GPHN: variants seen among roughly 807,000 people sequenced by gnomAD.
GPHN encodes gephyrin.
In GPHN, 17 loss-of-function variants were observed where a neutral mutation model predicts 95.5. That is an observed-to-expected ratio of 0.18 (90% CI 0.12 to 0.27). GPHN has a LOEUF of 0.27. Among genes scored for constraint, GPHN ranks in the 10% least tolerant of loss-of-function variants. GPHN has a pLI of 1.00. For missense variants in GPHN, 660 were observed against 978.1 expected, an observed-to-expected ratio of 0.67 and a Z score of 4.34; for synonymous variants, 320 against 322.5, an observed-to-expected ratio of 0.99 and a Z score of 0.08.
At chr14:67,409,743 C>A in the GPHN span, among the ~76,000 whole-genome samples, 1 of 152,200 alleles carries the variant, frequency 6.6e-6, no homozygotes, top group Non-Finnish European at 1.5e-5. Context: ...GACTGCTCTG[C>A]ACTCCGGCTT....
intron 11 of GPHN, among the ~76,000 whole-genome samples, chr14:67,070,557 G>A (rs1330190545): frequency 6.7e-6 from 1 of 149,462 alleles, no homozygotes; most frequent in African/African-American, 2.5e-5. Context: ...TTAGCTGGGT[G>A]TGGTGGTGCA....
At chr14:67,293,981 CAACTT>C in the GPHN span, among the ~76,000 whole-genome samples, 7 of 152,058 alleles carry the variant, frequency 4.6e-5, no homozygotes, top group Non-Finnish European at 1.0e-4. Context: ...AGAAAAGAAA[CAACTT>C]AGCTTAAAGG....
At chr14:66,750,193 T>G (rs1404137845) in intron 2 of GPHN, among the ~76,000 whole-genome samples, 1 of 151,934 alleles carries the variant, frequency 6.6e-6, no homozygotes, top group Non-Finnish European at 1.5e-5. Flanking sequence ...TCTTCTATTC[T>G]AGGAGTTTTA....
chr14:67,473,127 A>C, the GPHN span: 1 of 420,076 alleles, frequency 2.4e-6, no homozygotes. The surrounding 1 kb of genome is among the most constrained non-coding windows in gnomAD (Gnocchi z 6.5). Context: ...AAAGTCAACT[A>C]CATAGTCCAT....
chr14:67,695,736 G>GCTC, the GPHN span: 5 of 1,604,924 alleles, frequency 3.1e-6, no homozygotes, highest in Non-Finnish European at 4.3e-6. Context: ...AGAGCGGGAT[G>GCTC]CTCCAGCGTT....
At chr14:67,689,144 C>G in the GPHN span, among the ~76,000 whole-genome samples, 19,404 of 152,230 alleles carry the variant, frequency 0.13, 1,291 homozygotes, top group East Asian at 0.21. Flanking sequence ...ATCCAGTTAC[C>G]CTTATCTATC....
At chr14:66,945,817 C>T (rs1487266730) in intron 8 of GPHN, among the ~76,000 whole-genome samples, 2 of 152,106 alleles carry the variant, frequency 1.3e-5, no homozygotes, top group African/African-American at 4.8e-5. Context: ...AATATGTTTA[C>T]ATTAATAAAA....
the GPHN span, among the ~76,000 whole-genome samples, chr14:67,401,033 G>A: frequency 6.6e-6 from 1 of 152,048 alleles, no homozygotes; most frequent in Non-Finnish European, 1.5e-5. Flanking sequence ...GGGATGCACT[G>A]TGTGTCTGTG....
chr14:67,672,051 T>C, the GPHN span, among the ~76,000 whole-genome samples: 9 of 152,242 alleles, frequency 5.9e-5, no homozygotes, highest in Non-Finnish European at 1.2e-4. Context: ...CAATGTTCTT[T>C]TGCATTATTT....
the GPHN span, among the ~76,000 whole-genome samples, chr14:67,694,430 G>A: frequency 7.3e-6 from 1 of 137,634 alleles, no homozygotes. Flanking sequence ...ACAGCTCCTG[G>A]AATATATATA....
chr14:67,550,219 C>T, the GPHN span, among the ~76,000 whole-genome samples: 83 of 151,496 alleles, frequency 5.5e-4, no homozygotes, highest in African/African-American at 1.7e-3. Context: ...GGCAAAGTCT[C>T]ACTCTGTTGC....
intron 8 of GPHN, 119 bp from the exon 9 acceptor site, chr14:66,965,072 T>C: frequency 1.2e-6 from 1 of 819,014 alleles, no homozygotes. Context: ...TACCTAACAG[T>C]AAGTGACACC....
chr14:67,264,044 G>A, the GPHN span, among the ~76,000 whole-genome samples: 2 of 152,086 alleles, frequency 1.3e-5, no homozygotes, highest in African/African-American at 4.8e-5. Context: ...TGGGACTACA[G>A]GTGCATGCCA....
chr14:66,704,190 A>G (rs2068842231), intron 2 of GPHN, among the ~76,000 whole-genome samples: 1 of 152,150 alleles, frequency 6.6e-6, no homozygotes, highest in African/African-American at 2.4e-5. Context: ...GAGACCTGAA[A>G]AAAACTTAGA....
intron 8 of GPHN, among the ~76,000 whole-genome samples, chr14:66,934,562 C>T (rs1237598418): frequency 2.0e-5 from 3 of 152,202 alleles, no homozygotes; most frequent in African/African-American, 7.2e-5. Flanking sequence ...GCAGTCAGAG[C>T]CAGTGGATTT....
In GPHN at chr14:66,954,101, A is replaced by T. The variant is rs74865762; in HGVS notation, c.829-11090A>T. On this transcript the variant is annotated intron_variant, in intron 8 of 22. Transcript: ENST00000478722. The stretch of plus-strand genomic sequence containing the variant: ...CCTCTAACTTTCTTTGTCTTTTTCA[A>T]GATTGTTTTAGCTATTAGGTTCCTT... Among the ~76,000 whole-genome samples, 467 of 151,460 alleles carry T rather than the reference A, an allele frequency of 3.1e-3. 10 individuals are homozygous for T. Among genetic ancestry groups the T allele is most frequent in the African/African-American group, 0.011 (442 of 41,356 alleles).
chr14:66,808,450 G>T (rs1160172922), intron 3 of GPHN, among the ~76,000 whole-genome samples: 1 of 152,198 alleles, frequency 6.6e-6, no homozygotes. Context: ...AAGGAGTTCA[G>T]TGTCAGCTAC....
At chr14:66,509,600 G>A (rs1357454713) in intron 1 of GPHN, among the ~76,000 whole-genome samples, 1 of 152,152 alleles carries the variant, frequency 6.6e-6, no homozygotes, top group Non-Finnish European at 1.5e-5. Flanking sequence ...AATTGGCAAG[G>A]TTTATGTGTA....
At chr14:66,737,255 T>C (rs6573717) in intron 2 of GPHN, among the ~76,000 whole-genome samples, 49,533 of 151,844 alleles carry the variant, frequency 0.33, 11,827 homozygotes, top group African/African-American at 0.65. Context: ...TCCCCTTCCC[T>C]TTCCCCTCTT....
Sources: gnomAD v4.1 joint callset for allele counts (sites outside exome capture counted in the v4.1 genomes callset) on GRCh38, gnomAD v4.1.1 for gene constraint, Gnocchi (gnomAD v3.1) non-coding constraint, MANE v1.5 for transcripts, NCBI Gene and HGNC (gene_info 2026-07-23, HGNC 2026-07-21) for gene names.